The following OSBPL7 variants were observed in gnomAD, a reference collection of about 807,000 sequenced individuals.
OSBPL7 encodes oxysterol-binding protein-related protein 7.
Under a neutral mutation model 115.8 loss-of-function variants are expected in OSBPL7, and 66 were observed. That is an observed-to-expected ratio of 0.57 (90% CI 0.47 to 0.70). OSBPL7 has a LOEUF of 0.70. Ranked by LOEUF, OSBPL7 falls within the 30% of genes least tolerant of loss-of-function variation. The pLI is 0.00. For synonymous variants in OSBPL7, 441 were observed against 439.2 expected, an observed-to-expected ratio of 1.00 and a Z score of -0.05; for missense variants, 902 against 1,125.5, an observed-to-expected ratio of 0.80 and a Z score of 2.84.
chr17:47,812,965 A>G (rs570081747), intron 16 of OSBPL7, among the ~76,000 whole-genome samples: 4 of 151,532 alleles, frequency 2.6e-5, no homozygotes, highest in African/African-American at 9.7e-5. Flanking sequence ...ATTCCTCTAC[A>G]CCATCTAGAA....
chr17:47,814,821 G>A (rs1427356038), intron 13 of OSBPL7: 3 of 592,826 alleles, frequency 5.1e-6, no homozygotes, highest in Non-Finnish European at 8.9e-6. Context: ...GGGAGGGCCG[G>A]GCCCTGTGGC....
intron 3 of OSBPL7, 63 bp from the exon 4 acceptor site, chr17:47,819,845 G>C: frequency 1.2e-6 from 2 of 1,610,744 alleles, no homozygotes; most frequent in Non-Finnish European, 1.7e-6. Flanking sequence ...GAGGGAGAAG[G>C]CAACCACACA....
In OSBPL7 at chr17:47,816,663, C is replaced by T; in HGVS notation, c.828G>A (p.Leu276=). 3 of 1,614,074 alleles carry T rather than the reference C, an allele frequency of 1.9e-6. No homozygotes were observed. Among genetic ancestry groups the T allele is most frequent in the Non-Finnish European group, 2.5e-6 (3 of 1,180,016 alleles). The change falls in exon 10 of 23, where the codon CTG becomes CTA. Residue 276 remains leucine (L), a synonymous_variant. Transcript: ENST00000007414. This position sits in a 1 kb window ranked among gnomAD's most constrained non-coding sequence, Gnocchi z 5.8. ...AGTCCCGAGACTCCAGGTAGCGAGACAGGTTGGGAACAGAGCCATGGAGAC... is the reference window on the plus strand; with the variant it reads ...AGTCCCGAGACTCCAGGTAGCGAGATAGGTTGGGAACAGAGCCATGGAGAC... ...VGRLHGSVPN[L]SRYLESRDSS... is the part of the protein sequence containing the mutation.
Position 47,814,517 on chromosome 17 carries a change from G to A in OSBPL7, c.1351+4C>T, listed in dbSNP as rs757635487. On this transcript the variant is annotated splice_donor_region_variant and intron_variant, in intron 14 of 22. Coordinates refer to ENST00000007414, the MANE Select transcript of OSBPL7 (RefSeq NM_145798.3). ...CCCTCCCTGCCTGCCCACCCAGCTGGCACCTTTCTGACAGCGCTCAGCTCC... is the reference window on the plus strand; with the variant it reads ...CCCTCCCTGCCTGCCCACCCAGCTGACACCTTTCTGACAGCGCTCAGCTCC... 1 of 1,611,000 alleles carries A rather than the reference G, an allele frequency of 6.2e-7. No homozygotes were observed. Among genetic ancestry groups the A allele is most frequent in the Non-Finnish European group, 8.5e-7 (1 of 1,178,132 alleles).
rs1844560147 is a variant in OSBPL7 at position 47,819,010 on chromosome 17, A to G, written c.345T>C (p.Thr115=). ...NKKAQRIDLD[T]EDNIYHLKIK... ...CCTTGAGGTGGTAGATGTTGTCTTC[A>G]GTGTCAAGGTCAATGCGCTGGGCCT... The change falls in exon 5 of 23, where the codon ACT becomes ACC. Residue 115 remains threonine, a synonymous_variant. Transcript: ENST00000007414. The G allele has an allele frequency of 1.9e-6, 3 of 1,614,156 alleles. No individual in the cohort carries two copies. The highest frequency in any genetic ancestry group is 1.3e-5 in the African/African-American group (1 of 75,056).
rs754986595 is a variant in OSBPL7, at chr17:47,817,370, A to G, written c.599-11T>C. ...GACACTCAGAGAGCTCTGCGGGGAA[A>G]AAGAACAAGAACAAGAACACCATTC... On this transcript the variant is annotated splice_polypyrimidine_tract_variant and intron_variant, in intron 7 of 22. Coordinates refer to ENST00000007414, the MANE Select transcript of OSBPL7 (RefSeq NM_145798.3). 12 of 1,575,488 alleles carry G rather than the reference A, an allele frequency of 7.6e-6. No individual in the cohort carries two copies. The highest frequency in any genetic ancestry group is 8.7e-7 in the Non-Finnish European group (1 of 1,155,916).
chr17:47,808,852 T>C lies in OSBPL7; in HGVS notation c.2297+12A>G. On this transcript the variant is annotated intron_variant, in intron 21 of 22. Coordinates refer to ENST00000007414, the MANE Select transcript of OSBPL7 (RefSeq NM_145798.3). This position sits in a 1 kb window ranked among gnomAD's most constrained non-coding sequence, Gnocchi z 6.1. Reference sequence around the variant, plus strand: ...CTAGATGGTTCTAGGCCGGCACCCATCCGGCACTGACCTCTGGTCTGGCCG... The same window carrying C: ...CTAGATGGTTCTAGGCCGGCACCCACCCGGCACTGACCTCTGGTCTGGCCG... 1 of 1,614,096 alleles carries C rather than the reference T, an allele frequency of 6.2e-7. No individual in the cohort carries two copies. The highest frequency in any genetic ancestry group is 1.1e-5 in the South Asian group (1 of 91,066).
Position 47,808,454 on chromosome 17 carries a change from G to T in OSBPL7, c.2421-55C>A, listed in dbSNP as rs2032926747. On this transcript the variant is annotated intron_variant, in intron 22 of 22. Transcript: ENST00000007414. This position sits in a 1 kb window ranked among gnomAD's most constrained non-coding sequence, Gnocchi z 6.1. ...GTGAACATCTAGAAGGCAGGCTAGG[G>T]TCCTAAGGTGCTGCCTCCCACACCT... The T allele has an allele frequency of 8.1e-6, 13 of 1,613,536 alleles. No homozygotes were observed. The South Asian group carries it at 1.4e-4, about 18-fold the overall frequency.
At position 47,819,784 on chromosome 17, in the gene OSBPL7, T is replaced by C. The variant is rs1295673814; in HGVS notation, c.202-2A>G. On this transcript the variant is annotated splice_acceptor_variant, in intron 3 of 22. Transcript: ENST00000007414. LOFTEE classifies it high-confidence loss of function. ...CCCGTCCTCGAGCACAAAGTATCTC[T>C]GTGATGTTGCCCAGGAGTGACAGGA... The C allele has an allele frequency of 6.2e-7, 1 of 1,614,038 alleles. No homozygotes were observed. The highest frequency in any genetic ancestry group is 8.5e-7 in the Non-Finnish European group (1 of 1,180,036).
chr17:47,819,813 G>A (rs750500574), intron 3 of OSBPL7, 31 bp from the exon 4 acceptor site: 36 of 1,613,900 alleles, frequency 2.2e-5, no homozygotes, highest in Non-Finnish European at 2.9e-5. Context: ...GACAGGACCC[G>A]GGAGGCCGAG....
Position 47,816,403 on chromosome 17 carries a change from CT to C in OSBPL7, c.1007del (p.Glu336GlyfsTer44). ...CAGGCCTCACCCCCATTCTTGACAA[CT>C]CTGAGCCCTGGTGCATGTCCCTCAG... ...DQLRDMHQGS[E>X]LSRMGVSEAS... is the part of the protein sequence containing the mutation. On this transcript the variant is annotated frameshift_variant, in exon 11 of 23. Coordinates refer to ENST00000007414, the MANE Select transcript of OSBPL7 (RefSeq NM_145798.3). LOFTEE classifies it high-confidence loss of function. The surrounding 1 kb of genome is among the most constrained non-coding windows in gnomAD (Gnocchi z 5.8). 1 of 1,526,912 alleles carries C rather than the reference CT, an allele frequency of 6.5e-7. No individual in the cohort carries two copies. The highest frequency in any genetic ancestry group is 8.8e-7 in the Non-Finnish European group (1 of 1,134,776). The allele number at this position is 1,526,912 out of a possible 1,614,324, so 94.6% of individuals were successfully genotyped here. A position where few individuals can be genotyped will look rare whatever the true frequency, so the allele number is the denominator to read the frequency against.
chr17:47,810,852 G>A lies in OSBPL7; in HGVS notation c.1738-17C>T, dbSNP rs748285044. 2.5e-6 allele frequency: 4 copies of A among 1,611,864 alleles called. No individual in the cohort carries two copies. In the East Asian group the frequency reaches 8.9e-5, roughly 36 times the overall value. On this transcript the variant is annotated splice_polypyrimidine_tract_variant and intron_variant, in intron 16 of 22. Transcript: ENST00000007414. The stretch of plus-strand genomic sequence containing the variant: ...GTGGGAGACCTTGGTGAGCAAAGAA[G>A]TTATCTTGAGGCTGTCCCCGAGCAC...
Position 47,808,742 on chromosome 17 carries a change from G to C in OSBPL7, c.2298-82C>G. The C allele has an allele frequency of 6.2e-7, 1 of 1,605,314 alleles. No homozygotes were observed. The highest frequency in any genetic ancestry group is 2.2e-5 in the East Asian group (1 of 44,766). ...AAGGCCTCTGTCTCTGCCCAACTCT[G>C]TCCTCTAGACAAGCCCCACTTCTCT... On this transcript the variant is annotated intron_variant, in intron 21 of 22. Coordinates refer to ENST00000007414, the MANE Select transcript of OSBPL7 (RefSeq NM_145798.3). This position sits in a 1 kb window ranked among gnomAD's most constrained non-coding sequence, Gnocchi z 6.1.
chr17:47,818,425 C>T, intron 6 of OSBPL7, 39 bp from the exon 7 acceptor site: 1 of 1,600,724 alleles, frequency 6.2e-7, no homozygotes. Flanking sequence ...ATGATGCCCA[C>T]CTCCCTGGGT....
In OSBPL7 at chr17:47,819,790, G is replaced by A; in HGVS notation, c.202-8C>T. The A allele has an allele frequency of 6.2e-7, 1 of 1,614,134 alleles. No homozygotes were observed. Among genetic ancestry groups the A allele is most frequent in the Non-Finnish European group, 8.5e-7 (1 of 1,180,026 alleles). On this transcript the variant is annotated splice_polypyrimidine_tract_variant and splice_region_variant and intron_variant, in intron 3 of 22. Coordinates refer to ENST00000007414, the MANE Select transcript of OSBPL7 (RefSeq NM_145798.3). ...CTCGAGCACAAAGTATCTCTGTGAT[G>A]TTGCCCAGGAGTGACAGGACCCGGG... is the stretch of plus-strand genomic sequence containing the variant.
In OSBPL7 at chr17:47,816,963, C is replaced by A. The variant is rs1162358551; in HGVS notation, c.703-91G>T. On this transcript the variant is annotated intron_variant, in intron 8 of 22. Coordinates refer to ENST00000007414, the MANE Select transcript of OSBPL7 (RefSeq NM_145798.3). This position sits in a 1 kb window ranked among gnomAD's most constrained non-coding sequence, Gnocchi z 5.8. ...CCTGGGAGAGGTAGACGGCCTCCTG[C>A]GCCATGGAGGAGGGCGCAGATTACC... 2.3e-6 allele frequency: 3 copies of A among 1,279,014 alleles called. No individual in the cohort carries two copies. The highest frequency in any genetic ancestry group is 1.5e-5 in the African/African-American group (1 of 68,272). 79.2% of individuals were successfully genotyped at this position (1,279,014 alleles called of 1,614,324 possible).
Position 47,813,591 on chromosome 17 carries a change from C to T in OSBPL7, c.1595G>A (p.Arg532His), listed in dbSNP as rs768996034. 2.5e-6 allele frequency: 4 copies of T among 1,609,040 alleles called. No individual in the cohort carries two copies. Among genetic ancestry groups the T allele is most frequent in the Admixed American group, 1.7e-5 (1 of 59,872 alleles). The stretch of plus-strand genomic sequence containing the variant: ...GTGAGGACAGGAAGCAGGTACCATG[C>T]GCTCGCAGGGGTCGGCGATGCGGCT... ...QASRIADPCE[R>H]MVYIAAFAVS... The change falls in exon 15 of 23, where the codon CGC becomes CAC. Residue 532 changes from arginine (R) to histidine (H), a missense_variant. By Grantham distance (29) the Arg-to-His change is conservative. Around this residue, in one of 3 missense-constraint regions of OSBPL7, gnomAD observed 667 missense variants for 788.7 expected, o/e 0.85. Transcript: ENST00000007414.
Position 47,818,921 on chromosome 17 carries a change from C to A in OSBPL7, c.369+65G>T, listed in dbSNP as rs932350379. The stretch of plus-strand genomic sequence containing the variant: ...TTCCACAGACCCTCAGCCCCTGCCC[C>A]TGTGTGTTCCAATGCCTCTGTCAGG... On this transcript the variant is annotated intron_variant, in intron 5 of 22. Coordinates refer to ENST00000007414, the MANE Select transcript of OSBPL7 (RefSeq NM_145798.3). 49 of 1,375,512 alleles carry A rather than the reference C, an allele frequency of 3.6e-5. No homozygotes were observed. The East Asian group carries it at 1.0e-3, about 29-fold the overall frequency. The allele number at this position is 1,375,512 out of a possible 1,614,324, so 85.2% of individuals were successfully genotyped here.
chr17:47,812,819 G>A (rs2033085882), intron 16 of OSBPL7, among the ~76,000 whole-genome samples: 1 of 152,150 alleles, frequency 6.6e-6, no homozygotes, highest in Non-Finnish European at 1.5e-5. Context: ...ATCCTCCATG[G>A]TGCCAATGCC....
Sources: gnomAD v4.1 joint callset for allele counts (sites outside exome capture counted in the v4.1 genomes callset) on GRCh38, gnomAD v4.1.1 for gene constraint, gnomAD v4.1.1 regional missense constraint, Gnocchi (gnomAD v3.1) non-coding constraint, MANE v1.5 for transcripts, NCBI Gene and HGNC (gene_info 2026-07-23, HGNC 2026-07-21) for gene names.